Variants in ENPP1 observed in about 807,000 individuals in gnomAD.
ENPP1 encodes ectonucleotide pyrophosphatase/phosphodiesterase family member 1.
Under a neutral mutation model 122.8 loss-of-function variants are expected in ENPP1, and 73 were observed. The ratio of observed to expected loss-of-function variants is 0.59; its 90% CI spans 0.49 to 0.72. The LOEUF (loss-of-function observed/expected upper bound fraction) is 0.72, where lower values mean the gene tolerates loss of function less well. Ranked by LOEUF, ENPP1 falls within the 30% of genes least tolerant of loss-of-function variation. ENPP1 has a pLI of 0.00. For missense variants in ENPP1, 978 were observed against 1,128.1 expected, an observed-to-expected ratio of 0.87 and a Z score of 1.91; for synonymous variants, 367 against 391.6, an observed-to-expected ratio of 0.94 and a Z score of 0.74.
At chr6:131,826,509 G>A (rs1471805489) in intron 1 of ENPP1, 34 of 1,127,666 alleles carry the variant, frequency 3.0e-5, no homozygotes, top group Non-Finnish European at 4.5e-5. Context: ...GATGCTGACA[G>A]CCAATGATCT....
Position 131,810,569 on chromosome 6 carries a change from A to G in ENPP1, c.240+2294A>G, listed in dbSNP as rs1252997315. Among the ~76,000 whole-genome samples the G allele has an allele frequency of 4.0e-5, 6 of 151,878 alleles. No homozygotes were observed. The South Asian group carries it at 1.0e-3, about 26-fold the overall frequency. On this transcript the variant is annotated intron_variant, in intron 1 of 24. Transcript: ENST00000647893. ...TCTTCTAGAAAGGAGCTGCAATTATAGAATTCCTTTTGTTTTCAGATTAAA... is the reference window on the plus strand; with the variant it reads ...TCTTCTAGAAAGGAGCTGCAATTATGGAATTCCTTTTGTTTTCAGATTAAA...
At chr6:131,837,681 T>C (rs1183629528) in intron 1 of ENPP1, among the ~76,000 whole-genome samples, 2 of 152,174 alleles carry the variant, frequency 1.3e-5, no homozygotes, top group Non-Finnish European at 2.9e-5. Flanking sequence ...CCTATAATGA[T>C]TTCTGTGAAT....
At chr6:131,846,382 C>T (rs1781811170) in intron 1 of ENPP1, among the ~76,000 whole-genome samples, 1 of 152,168 alleles carries the variant, frequency 6.6e-6, no homozygotes, top group South Asian at 2.1e-4. Flanking sequence ...CATGTGCCTG[C>T]CTTCGTGGAA....
intron 1 of ENPP1, among the ~76,000 whole-genome samples, chr6:131,835,314 A>G (rs2114675183): frequency 6.6e-6 from 1 of 152,168 alleles, no homozygotes; most frequent in East Asian, 1.9e-4. Context: ...ACCAGCTCCC[A>G]TGAGTTACTG....
At chr6:131,828,112 G>A in intron 1 of ENPP1, 1 of 606,094 alleles carries the variant, frequency 1.6e-6, no homozygotes, top group South Asian at 1.4e-5. Context: ...TGATGTAGGA[G>A]TCCTGCTGTC....
Position 131,890,388 on chromosome 6 carries a change from C to T in ENPP1, c.2655C>T (p.His885=), listed in dbSNP as rs145911583. Residue 885 remains histidine, a synonymous_variant, in exon 25 of 25, where the codon CAC becomes CAT. Coordinates refer to ENST00000647893, the MANE Select transcript of ENPP1 (RefSeq NM_006208.3). ...GGGTTGAAGAATTGTTAATGTTACA[C>T]AGAGCACGGATCACAGATGTTGAGC... ...SSWVEELLML[H]RARITDVEHI... 47 of 1,613,556 alleles carry T rather than the reference C, an allele frequency of 2.9e-5. No individual in the cohort carries two copies. Among genetic ancestry groups the T allele is most frequent in the Non-Finnish European group, 4.0e-5 (47 of 1,179,574 alleles).
intron 2 of ENPP1, among the ~76,000 whole-genome samples, chr6:131,848,751 A>G (rs1781844259): frequency 1.3e-5 from 2 of 152,178 alleles, no homozygotes; most frequent in Admixed American, 6.5e-5. Context: ...CCAACATAGT[A>G]TGCATCATAT....
At chr6:131,886,493 C>A in intron 23 of ENPP1, 69 bp from the exon 24 acceptor site, 1 of 1,158,360 alleles carries the variant, frequency 8.6e-7, no homozygotes, top group East Asian at 2.5e-5. Context: ...AAAGCATGCT[C>A]TACTGAAATA....
At chr6:131,829,970 G>A (rs1400054649) in intron 1 of ENPP1, among the ~76,000 whole-genome samples, 1 of 152,158 alleles carries the variant, frequency 6.6e-6, no homozygotes, top group Non-Finnish European at 1.5e-5. Flanking sequence ...GGGAAGTGTA[G>A]TAGTCAAAGT....
At chr6:131,862,617 T>A (rs2114704463) in intron 9 of ENPP1, among the ~76,000 whole-genome samples, 1 of 152,142 alleles carries the variant, frequency 6.6e-6, no homozygotes, top group East Asian at 1.9e-4. Context: ...ATCAAGTGAG[T>A]TTTTCTTGCT....
At position 131,874,289 on chromosome 6, in the gene ENPP1, T is replaced by C. The variant is rs555517003; in HGVS notation, c.1587T>C (p.Tyr529=). The change falls in exon 16 of 25, where the codon TAT becomes TAC. Residue 529 remains tyrosine (Y), a synonymous_variant. Coordinates refer to ENST00000647893, the MANE Select transcript of ENPP1 (RefSeq NM_006208.3). ...QLALNPSERK[Y]CGSGFHGSDN... ...TTAGGAATCCCTCAGAAAGGAAATA[T>C]TGTGGAAGTGGATTTCATGGCTCTG... is the stretch of plus-strand genomic sequence containing the variant. 3.4e-5 allele frequency: 54 copies of C among 1,595,442 alleles called. No homozygotes were observed. The South Asian group carries it at 6.0e-4, about 18-fold the overall frequency.
chr6:131,891,475 A>G lies in ENPP1; in HGVS notation c.*964A>G, dbSNP rs1409384047. 1 of 152,138 alleles carries G rather than the reference A, an allele frequency of 6.6e-6. No homozygotes were observed. Among genetic ancestry groups the G allele is most frequent in the Non-Finnish European group, 1.5e-5 (1 of 68,022 alleles). The allele number at this position is 152,138 out of a possible 1,614,324, so 9.4% of individuals were successfully genotyped here. ...ACAGATTGAAGAGAACATGCCACCA[A>G]TCACCTCACATCTTCTTGGTGGACA... On this transcript the variant is annotated 3_prime_UTR_variant, in exon 25 of 25. Transcript: ENST00000647893.
At position 131,891,784 on chromosome 6, in the gene ENPP1, T is replaced by C. The variant is rs1172091586; in HGVS notation, c.*1273T>C. The C allele has an allele frequency of 6.7e-6, 1 of 148,282 alleles. No individual in the cohort carries two copies. The highest frequency in any genetic ancestry group is 2.5e-5 in the African/African-American group (1 of 40,132). 9.2% of individuals were successfully genotyped at this position (148,282 alleles called of 1,614,324 possible). ...TTTTTTTTTCAGTCCTGCAGTTTCC[T>C]GAAGCTCTGTATATGATATTTTTTT... is the stretch of plus-strand genomic sequence containing the variant. On this transcript the variant is annotated 3_prime_UTR_variant, in exon 25 of 25. Coordinates refer to ENST00000647893, the MANE Select transcript of ENPP1 (RefSeq NM_006208.3).
At chr6:131,852,118 A>G (rs1233959030) in intron 4 of ENPP1, 57 bp from the exon 5 acceptor site, 1 of 1,129,532 alleles carries the variant, frequency 8.9e-7, no homozygotes, top group East Asian at 2.4e-5. Context: ...TCTCACAAGC[A>G]TCACAATTAT....
chr6:131,824,562 C>A (rs1021413885), intron 1 of ENPP1, among the ~76,000 whole-genome samples: 1 of 152,110 alleles, frequency 6.6e-6, no homozygotes, highest in Non-Finnish European at 1.5e-5. Context: ...TCAAGCGATT[C>A]TCCTGCCTCA....
chr6:131,864,078 G>A (rs1782057706), intron 9 of ENPP1, among the ~76,000 whole-genome samples: 1 of 152,166 alleles, frequency 6.6e-6, no homozygotes, highest in Non-Finnish European at 1.5e-5. Context: ...GTGTCCAGAG[G>A]AAGGCATATT....
At chr6:131,822,975 A>T (rs981986109) in intron 1 of ENPP1, among the ~76,000 whole-genome samples, 13 of 152,202 alleles carry the variant, frequency 8.5e-5, no homozygotes, top group Non-Finnish European at 1.3e-4. Flanking sequence ...ATGAGAAAAT[A>T]TATACTCCTA....
intron 1 of ENPP1, among the ~76,000 whole-genome samples, chr6:131,822,091 C>T (rs181988041): frequency 7.9e-5 from 12 of 152,070 alleles, no homozygotes; most frequent in Admixed American, 5.9e-4. Flanking sequence ...TTGGATTAGT[C>T]GGGGAAATAA....
chr6:131,833,057 T>C (rs1180817669), intron 1 of ENPP1, among the ~76,000 whole-genome samples: 1 of 152,240 alleles, frequency 6.6e-6, no homozygotes, highest in Non-Finnish European at 1.5e-5. Context: ...TGTGTGCTTA[T>C]GTGATTATTT....
Sources: gnomAD v4.1 joint callset for allele counts (sites outside exome capture counted in the v4.1 genomes callset) on GRCh38, gnomAD v4.1.1 for gene constraint, MANE v1.5 for transcripts, NCBI Gene and HGNC (gene_info 2026-07-23, HGNC 2026-07-21) for gene names.